ADAMTS3: variants seen among roughly 807,000 people sequenced by gnomAD.
The protein encoded by ADAMTS3 is A disintegrin and metalloproteinase with thrombospondin motifs 3.
ADAMTS3 carries 73 observed loss-of-function variants against 129.0 expected under a neutral mutation model. That is an observed-to-expected ratio of 0.57 (90% confidence interval 0.47 to 0.69). The LOEUF (loss-of-function observed/expected upper bound fraction) is 0.69. Ranked by LOEUF, ADAMTS3 falls within the 30% of genes least tolerant of loss-of-function variation. ADAMTS3 has a pLI of 0.00. For synonymous variants in ADAMTS3, 477 were observed against 510.8 expected, an observed-to-expected ratio of 0.93 and a Z score of 0.89; for missense variants, 1,457 against 1,514.5, an observed-to-expected ratio of 0.96 and a Z score of 0.63.
chr4:72,302,815 A>G (rs1718984710), intron 17 of ADAMTS3, among the ~76,000 whole-genome samples: 1 of 152,162 alleles, frequency 6.6e-6, no homozygotes, highest in South Asian at 2.1e-4. Context: ...AATATAAATG[A>G]GGCTTCTCTT....
At chr4:72,338,113 G>GAA (rs1560478051) in intron 5 of ADAMTS3, among the ~76,000 whole-genome samples, 1 of 152,074 alleles carries the variant, frequency 6.6e-6, no homozygotes, top group African/African-American at 2.4e-5. Context: ...GTAAATAATG[G>GAA]ATGACTTGTA....
intron 5 of ADAMTS3, among the ~76,000 whole-genome samples, chr4:72,333,222 T>A (rs1218008253): frequency 6.6e-6 from 1 of 152,322 alleles, no homozygotes; most frequent in East Asian, 1.9e-4. Flanking sequence ...TAAATCTTCA[T>A]TTTGAATCTA....
At chr4:72,288,639 T>C in intron 21 of ADAMTS3, 112 bp downstream of exon 21, 1 of 718,746 alleles carries the variant, frequency 1.4e-6, no homozygotes, top group Non-Finnish European at 2.5e-6. Context: ...TGTTTTCCTT[T>C]GGTTATTTAT....
chr4:72,394,077 T>G (rs1716599700), intron 4 of ADAMTS3, among the ~76,000 whole-genome samples: 1 of 152,150 alleles, frequency 6.6e-6, no homozygotes, highest in Non-Finnish European at 1.5e-5. Flanking sequence ...TATAAAGGTC[T>G]CTAGACTGAC....
chr4:72,493,750 TTC>T (rs561386090), intron 3 of ADAMTS3, among the ~76,000 whole-genome samples: 122 of 152,226 alleles, frequency 8.0e-4, no homozygotes, highest in African/African-American at 2.9e-3. Flanking sequence ...CCTTAAGCAT[TTC>T]TTGTAAAGTA....
chr4:72,313,788 G>C lies in ADAMTS3; in HGVS notation c.1634C>G (p.Ala545Gly), dbSNP rs768132742. ...CYKGHCMWKN[A>G]NQQKQDGNWG... is the part of the protein sequence containing the mutation. ...ATTGCCATCTTGTTTTTGCTGATTA[G>C]CATTCTTCCACATGCAATGACCCTT... Residue 545 changes from alanine to glycine, a missense_variant, in exon 12 of 22, where the codon GCT becomes GGT. Ala to Gly is a moderately conservative substitution (Grantham distance 60, BLOSUM62 0). Transcript: ENST00000286657. The C allele has an allele frequency of 6.2e-7, 1 of 1,613,716 alleles. No homozygotes were observed. Among genetic ancestry groups the C allele is most frequent in the South Asian group, 1.1e-5 (1 of 91,066 alleles).
intron 4 of ADAMTS3, among the ~76,000 whole-genome samples, chr4:72,352,150 A>T (rs1315231480): frequency 6.6e-6 from 1 of 152,004 alleles, no homozygotes; most frequent in Non-Finnish European, 1.5e-5. Context: ...ATTCAATTCA[A>T]ATTGAGGAAT....
chr4:72,514,741 G>A (rs1165126077), intron 3 of ADAMTS3, among the ~76,000 whole-genome samples: 6 of 151,774 alleles, frequency 4.0e-5, no homozygotes, highest in South Asian at 2.1e-4. Context: ...AACCTCAAGG[G>A]TAAAACTAAA....
chr4:72,441,498 T>C (rs1718115801), intron 3 of ADAMTS3, among the ~76,000 whole-genome samples: 1 of 151,822 alleles, frequency 6.6e-6, no homozygotes, highest in Non-Finnish European at 1.5e-5. Flanking sequence ...GTCTGTTCAT[T>C]ATTGCAATGC....
Position 72,311,199 on chromosome 4 carries a change from T to C in ADAMTS3, c.1922-18A>G, listed in dbSNP as rs373641766. 1.0e-4 allele frequency: 159 copies of C among 1,597,024 alleles called. 1 individual carries two copies. The African/African-American group carries it at 2.0e-3, about 20-fold the overall frequency. ...TTTCTTGGCTGCATAAGATGGAGGA[T>C]AAAATTAACTATTTACATAAAATGG... On this transcript the variant is annotated intron_variant, in intron 13 of 21. Coordinates refer to ENST00000286657, the MANE Select transcript of ADAMTS3 (RefSeq NM_014243.3).
Position 72,291,037 on chromosome 4 carries a change from A to G in ADAMTS3, c.2749T>C (p.Cys917Arg). ...PLWVAEEWEHCTKTCGSSGYQ... is the reference protein window; with the variant it reads ...PLWVAEEWEHRTKTCGSSGYQ... ...CCAGAACTTCCACAGGTTTTGGTGC[A>G]GTGTTCCCATTCTTCTGCTACCCAG... The change falls in exon 20 of 22, where the codon TGC (cysteine) becomes CGC (arginine). Residue 917 changes from cysteine (C) to arginine (R), a missense_variant. Transcript: ENST00000286657. 1 of 1,613,996 alleles carries G rather than the reference A, an allele frequency of 6.2e-7. No homozygotes were observed. The highest frequency in any genetic ancestry group is 8.5e-7 in the Non-Finnish European group (1 of 1,179,934).
intron 3 of ADAMTS3, among the ~76,000 whole-genome samples, chr4:72,433,630 G>T (rs1722749626): frequency 6.6e-6 from 1 of 151,780 alleles, no homozygotes; most frequent in Admixed American, 6.6e-5. Context: ...ACATGGTACT[G>T]TTCTATAAGA....
intron 13 of ADAMTS3, among the ~76,000 whole-genome samples, chr4:72,311,733 C>T: frequency 6.6e-6 from 1 of 152,074 alleles, no homozygotes; most frequent in East Asian, 1.9e-4. Flanking sequence ...ATAACTATTT[C>T]CTTTCATTCA....
At chr4:72,567,338 C>G (rs965981412) in intron 2 of ADAMTS3, 36 bp downstream of exon 2, 1 of 1,604,996 alleles carries the variant, frequency 6.2e-7, no homozygotes, top group African/African-American at 1.4e-5. Context: ...TTACTTTCAA[C>G]TTAAGATAAG....
intron 20 of ADAMTS3, among the ~76,000 whole-genome samples, chr4:72,290,560 A>G (rs923002998): frequency 6.6e-6 from 1 of 152,236 alleles, no homozygotes; most frequent in Non-Finnish European, 1.5e-5. Context: ...CCTGCATTCA[A>G]TATCAGGGGT....
intron 3 of ADAMTS3, among the ~76,000 whole-genome samples, chr4:72,434,176 A>G (rs1197941069): frequency 6.6e-6 from 1 of 151,734 alleles, no homozygotes; most frequent in Non-Finnish European, 1.5e-5. Flanking sequence ...GCTCCCCCCC[A>G]CCAAGAGAAT....
At chr4:72,479,211 AC>A (rs1719347608) in intron 3 of ADAMTS3, among the ~76,000 whole-genome samples, 1 of 152,156 alleles carries the variant, frequency 6.6e-6, no homozygotes, top group South Asian at 2.1e-4. Context: ...TTCATAGGGA[AC>A]CAAAAAAGAG....
At chr4:72,429,254 A>G (rs1160887010) in intron 3 of ADAMTS3, among the ~76,000 whole-genome samples, 1 of 152,122 alleles carries the variant, frequency 6.6e-6, no homozygotes, top group Non-Finnish European at 1.5e-5. Flanking sequence ...GAATTCAACT[A>G]TATGTAATAA....
At chr4:72,445,715 C>A (rs1249872162) in intron 3 of ADAMTS3, among the ~76,000 whole-genome samples, 2 of 151,676 alleles carry the variant, frequency 1.3e-5, no homozygotes, top group East Asian at 3.9e-4. Flanking sequence ...CAGTGTTAAA[C>A]CCACCACAGA....
Sources: allele counts gnomAD v4.1 joint callset (sites outside exome capture counted in the v4.1 genomes callset), GRCh38; gene constraint gnomAD v4.1.1; transcripts MANE v1.5; gene names NCBI Gene and HGNC (gene_info 2026-07-23, HGNC 2026-07-21).